The following ADCY2 variants were observed in gnomAD, a reference collection of about 807,000 sequenced individuals.
ADCY2 encodes the protein adenylate cyclase 2, also known as adenylate cyclase type 2.
Under a neutral mutation model 125.2 loss-of-function variants are expected in ADCY2, and 31 were observed. The ratio of observed to expected loss-of-function variants is 0.25; its 90% confidence interval spans 0.19 to 0.33. The LOEUF (loss-of-function observed/expected upper bound fraction) is 0.33, where lower values mean the gene tolerates loss of function less well. Among genes scored for constraint, ADCY2 ranks in the 10% least tolerant of loss-of-function variants. The pLI is 1.00. For synonymous variants in ADCY2, 512 were observed against 548.4 expected, an observed-to-expected ratio of 0.93 and a Z score of 0.93; for missense variants, 904 against 1,418.2, an observed-to-expected ratio of 0.64 and a Z score of 5.82.
intron 4 of ADCY2, among the ~76,000 whole-genome samples, chr5:7,661,162 A>G (rs1377566573): frequency 6.6e-6 from 1 of 152,180 alleles, no homozygotes; most frequent in Non-Finnish European, 1.5e-5. Context: ...GTGCACACCT[A>G]TGGGTAAATA....
intron 2 of ADCY2, among the ~76,000 whole-genome samples, chr5:7,499,662 T>TATATATATATAC (rs1743483881): frequency 8.4e-6 from 1 of 118,970 alleles, no homozygotes; most frequent in Non-Finnish European, 2.0e-5. Context: ...TATATATATA[T>TATATATATATAC]ATATATATAT....
chr5:7,445,607 A>T (rs753524590), intron 2 of ADCY2, among the ~76,000 whole-genome samples: 1 of 152,228 alleles, frequency 6.6e-6, no homozygotes, highest in African/African-American at 2.4e-5. Flanking sequence ...ATCCAAAAAC[A>T]TTACATTTTC....
At chr5:7,430,733 T>C (rs1212902057) in intron 2 of ADCY2, among the ~76,000 whole-genome samples, 2 of 151,974 alleles carry the variant, frequency 1.3e-5, no homozygotes, top group African/African-American at 4.8e-5. Flanking sequence ...AAGGCTTTTG[T>C]AGTCTTACAT....
intron 11 of ADCY2, 137 bp from the exon 12 acceptor site, chr5:7,717,020 T>A: frequency 1.7e-6 from 1 of 582,852 alleles, no homozygotes; most frequent in Admixed American, 3.1e-5. Flanking sequence ...ATACCCCGAT[T>A]GATCATTGCA....
At chr5:7,817,848 A>C (rs1579474057) in intron 23 of ADCY2, among the ~76,000 whole-genome samples, 1 of 144,926 alleles carries the variant, frequency 6.9e-6, no homozygotes, top group African/African-American at 2.6e-5. Context: ...AAAAAAAAAA[A>C]AAAAAGTAAC....
At chr5:7,589,511 A>AAAGAAAGAAAGAAAGAAAG (rs757777978) in intron 3 of ADCY2, among the ~76,000 whole-genome samples, 73 of 110,434 alleles carry the variant, frequency 6.6e-4, no homozygotes, top group African/African-American at 2.2e-3. Context: ...AGAAAGAAAG[A>AAAGAAAGAAAGAAAGAAAG]AAAGAAAAGA....
At chr5:7,476,707 G>C (rs1172503693) in intron 2 of ADCY2, among the ~76,000 whole-genome samples, 1 of 152,144 alleles carries the variant, frequency 6.6e-6, no homozygotes, top group Non-Finnish European at 1.5e-5. Flanking sequence ...GTCTACACAA[G>C]GATGGACAAG....
chr5:7,824,063 C>T (rs1488085974), intron 24 of ADCY2, among the ~76,000 whole-genome samples: 1 of 152,184 alleles, frequency 6.6e-6, no homozygotes, highest in Non-Finnish European at 1.5e-5. Context: ...GAAGGTGTGG[C>T]TTGCTTCCTC....
At position 7,396,216 on chromosome 5, in the gene ADCY2, CGGG is replaced by C. The variant is rs1357170879; in HGVS notation, c.-78_-76del. ...GGCAGCCGGGCCGGCCGAGGCGGCGCGGGGGTGGGACGCGGGCGGCCGCGGCGA... is the reference window on the plus strand; with the variant it reads ...GGCAGCCGGGCCGGCCGAGGCGGCGCGGTGGGACGCGGGCGGCCGCGGCGA... On this transcript the variant is annotated 5_prime_UTR_variant, in exon 1 of 25. Coordinates refer to ENST00000338316, the MANE Select transcript of ADCY2 (RefSeq NM_020546.3). The surrounding 1 kb of genome is among the most constrained non-coding windows in gnomAD (Gnocchi z 5.7). The C allele has an allele frequency of 1.3e-6, 1 of 799,242 alleles. No individual in the cohort carries two copies. The highest frequency in any genetic ancestry group is 1.5e-4 in the East Asian group (1 of 6,588). The allele number at this position is 799,242 out of a possible 1,614,324, so 49.5% of individuals were successfully genotyped here.
At chr5:7,812,358 AC>A (rs2126532859) in intron 22 of ADCY2, among the ~76,000 whole-genome samples, 1 of 152,356 alleles carries the variant, frequency 6.6e-6, no homozygotes, top group South Asian at 2.1e-4. Flanking sequence ...GTCCCTGTTC[AC>A]TATACATACA....
intron 7 of ADCY2, among the ~76,000 whole-genome samples, chr5:7,704,805 G>C (rs1741209956): frequency 6.6e-6 from 1 of 151,798 alleles, no homozygotes; most frequent in Non-Finnish European, 1.5e-5. Context: ...GTGAACCCGG[G>C]CGGCGGAGCT....
At chr5:7,749,795 G>C (rs1263829792) in intron 15 of ADCY2, 1 of 152,200 alleles carries the variant, frequency 6.6e-6, no homozygotes, top group Admixed American at 6.5e-5. Context: ...CGTTCTTCCA[G>C]GCAGAGATAA....
intron 2 of ADCY2, among the ~76,000 whole-genome samples, chr5:7,450,175 G>T (rs1185836034): frequency 2.6e-5 from 4 of 152,210 alleles, no homozygotes; most frequent in African/African-American, 4.8e-5. Context: ...GCTTAGTGAG[G>T]AAGGTATGTC....
At chr5:7,440,202 C>T (rs1321400583) in intron 2 of ADCY2, among the ~76,000 whole-genome samples, 3 of 152,100 alleles carry the variant, frequency 2.0e-5, no homozygotes, top group Non-Finnish European at 2.9e-5. Context: ...GACATCTATC[C>T]AGTCAAGATG....
intron 3 of ADCY2, among the ~76,000 whole-genome samples, chr5:7,600,590 C>A (rs1737166773): frequency 6.6e-6 from 1 of 152,150 alleles, no homozygotes; most frequent in Admixed American, 6.5e-5. Context: ...TGAAAGCATG[C>A]TGAGATTGGA....
intron 2 of ADCY2, among the ~76,000 whole-genome samples, chr5:7,464,166 T>C (rs1742022959): frequency 6.6e-6 from 1 of 152,170 alleles, no homozygotes; most frequent in South Asian, 2.1e-4. Flanking sequence ...TCCTCTTCAT[T>C]GTAAGCTGTT....
chr5:7,773,423 T>C (rs1743618872), intron 18 of ADCY2, among the ~76,000 whole-genome samples: 1 of 152,156 alleles, frequency 6.6e-6, no homozygotes, highest in African/African-American at 2.4e-5. Flanking sequence ...AATTCTCTGT[T>C]GCGGGCGCCG....
At chr5:7,781,008 G>A (rs1240016017) in intron 18 of ADCY2, among the ~76,000 whole-genome samples, 1 of 152,208 alleles carries the variant, frequency 6.6e-6, no homozygotes, top group Non-Finnish European at 1.5e-5. Flanking sequence ...TTTTAGATAA[G>A]AAAGGAAGTG....
chr5:7,823,752 C>A (rs975434675), intron 24 of ADCY2, among the ~76,000 whole-genome samples: 1 of 152,164 alleles, frequency 6.6e-6, no homozygotes, highest in Non-Finnish European at 1.5e-5. Flanking sequence ...GGAGAAGTAT[C>A]AAAAGCAATT....
Sources: gnomAD v4.1 joint callset for allele counts (sites outside exome capture counted in the v4.1 genomes callset) on GRCh38, gnomAD v4.1.1 for gene constraint, Gnocchi (gnomAD v3.1) non-coding constraint, MANE v1.5 for transcripts, NCBI Gene and HGNC (gene_info 2026-07-23, HGNC 2026-07-21) for gene names.